XKR9: variants seen among roughly 807,000 people sequenced by gnomAD.
XKR9 encodes the protein XK related 9.
A neutral mutation model predicts 32.0 loss-of-function variants in XKR9; 32 were observed. The ratio of observed to expected loss-of-function variants is 1.00; its 90% CI spans 0.76 to 1.34. The LOEUF is 1.34. Ranked by LOEUF, XKR9 falls within the 40% of genes most tolerant of loss-of-function variation. The pLI is 0.00. For missense variants in XKR9, 546 were observed against 429.7 expected (o/e 1.27, Z -2.39); for synonymous variants, 168 against 143.4 (o/e 1.17, Z -1.22).
chr8:70,879,657 T>C, the XKR9 span, among the ~76,000 whole-genome samples: 1 of 151,730 alleles, frequency 6.6e-6, no homozygotes, highest in Non-Finnish European at 1.5e-5. Context: ...GAAATAGAGG[T>C]AATAATTAAT....
chr8:70,773,708 G>T (rs747930565), intron 2 of XKR9, among the ~76,000 whole-genome samples: 3 of 152,114 alleles, frequency 2.0e-5, no homozygotes, highest in Non-Finnish European at 2.9e-5. Flanking sequence ...TGATTTATTT[G>T]CTTCCTATGA....
chr8:70,703,246 C>CCT (rs1478776130), intron 3 of XKR9, among the ~76,000 whole-genome samples: 1 of 149,238 alleles, frequency 6.7e-6, no homozygotes, highest in Non-Finnish European at 1.5e-5. Flanking sequence ...TTTTTTTTCT[C>CCT]CTAAAATTTT....
At chr8:70,916,901 C>A in the XKR9 span, among the ~76,000 whole-genome samples, 4 of 149,414 alleles carry the variant, frequency 2.7e-5, no homozygotes, top group African/African-American at 4.9e-5. Flanking sequence ...TGAGATTTAT[C>A]TCTAGGTACT....
At chr8:70,680,425 C>T (rs896786491) in intron 2 of XKR9, among the ~76,000 whole-genome samples, 2 of 152,086 alleles carry the variant, frequency 1.3e-5, no homozygotes, top group African/African-American at 4.8e-5. Context: ...ACAACTATTG[C>T]ACCTTTGTTA....
the XKR9 span, among the ~76,000 whole-genome samples, chr8:70,943,491 A>T: frequency 2.0e-5 from 3 of 152,210 alleles, no homozygotes; most frequent in Non-Finnish European, 4.4e-5. Flanking sequence ...GGTTTTTTTT[A>T]AAAAAGGTAA....
At chr8:71,020,420 A>G in the XKR9 span, among the ~76,000 whole-genome samples, 3 of 152,230 alleles carry the variant, frequency 2.0e-5, no homozygotes, top group Admixed American at 6.5e-5. Flanking sequence ...TTGGGGCTCA[A>G]GGAAAATCAT....
intron 2 of XKR9, among the ~76,000 whole-genome samples, chr8:70,766,141 G>T (rs1807372446): frequency 6.6e-6 from 1 of 150,800 alleles, no homozygotes; most frequent in African/African-American, 2.4e-5. Context: ...ATTCTGTGAA[G>T]AAATTCAGTG....
chr8:70,872,818 G>A, the XKR9 span, among the ~76,000 whole-genome samples: 9 of 152,122 alleles, frequency 5.9e-5, no homozygotes, highest in East Asian at 7.7e-4. Context: ...GTGCCACCAC[G>A]CCCAGCTAAT....
the XKR9 span, among the ~76,000 whole-genome samples, chr8:70,952,374 A>G: frequency 6.6e-6 from 1 of 152,200 alleles, no homozygotes; most frequent in Non-Finnish European, 1.5e-5. Context: ...ACAGTATGAA[A>G]TGTTGTCACT....
At chr8:70,832,386 A>T in the XKR9 span, among the ~76,000 whole-genome samples, 3 of 152,314 alleles carry the variant, frequency 2.0e-5, no homozygotes, top group African/African-American at 7.2e-5. Flanking sequence ...AAATAGACAC[A>T]AATAACGTTT....
At chr8:71,033,598 A>T in the XKR9 span, among the ~76,000 whole-genome samples, 483 of 152,260 alleles carry the variant, frequency 3.2e-3, 3 homozygotes, top group African/African-American at 0.011. Context: ...CCTCATGAAT[A>T]GATTAATGTC....
At chr8:70,858,013 T>C in the XKR9 span, among the ~76,000 whole-genome samples, 3 of 152,156 alleles carry the variant, frequency 2.0e-5, no homozygotes, top group African/African-American at 7.2e-5. Flanking sequence ...AATAGCATAC[T>C]GAATGGGCAA....
chr8:70,746,404 A>T (rs1807059895), intron 2 of XKR9, among the ~76,000 whole-genome samples: 1 of 143,134 alleles, frequency 7.0e-6, no homozygotes, highest in African/African-American at 2.7e-5. Flanking sequence ...CAAAACAAAT[A>T]AAGTAAAATA....
At chr8:70,993,600 ATCTTCCTTCCTTCCTTC>A in the XKR9 span, among the ~76,000 whole-genome samples, 3 of 79,200 alleles carry the variant, frequency 3.8e-5, no homozygotes, top group Non-Finnish European at 1.2e-4. Context: ...TTCATAGGAC[ATCTTCCTTCCTTCCTTC>A]CTTCCTTCCT....
the XKR9 span, among the ~76,000 whole-genome samples, chr8:70,958,814 G>A: frequency 1.3e-5 from 2 of 152,124 alleles, no homozygotes; most frequent in South Asian, 4.1e-4. Flanking sequence ...AGGACTGTTA[G>A]TCAAGTTACT....
the XKR9 span, among the ~76,000 whole-genome samples, chr8:70,935,021 A>C: frequency 6.6e-6 from 1 of 150,994 alleles, no homozygotes; most frequent in Non-Finnish European, 1.5e-5. Flanking sequence ...TAAGAAGCTG[A>C]GTATCTCTTA....
chr8:70,880,951 C>T, the XKR9 span, among the ~76,000 whole-genome samples: 1 of 152,150 alleles, frequency 6.6e-6, no homozygotes, highest in Non-Finnish European at 1.5e-5. Flanking sequence ...GAACCGAGGC[C>T]TCAGAAATAA....
chr8:70,858,060 C>T, the XKR9 span, among the ~76,000 whole-genome samples: 16 of 152,268 alleles, frequency 1.1e-4, no homozygotes, highest in Non-Finnish European at 2.1e-4. Context: ...TGGCACAAGA[C>T]AGGGATGCCC....
the XKR9 span, among the ~76,000 whole-genome samples, chr8:70,802,373 C>A: frequency 6.6e-6 from 1 of 152,152 alleles, no homozygotes; most frequent in Non-Finnish European, 1.5e-5. Flanking sequence ...ATAAGTGTCA[C>A]TGCATGTGGA....
Sources: allele counts gnomAD v4.1 joint callset (sites outside exome capture counted in the v4.1 genomes callset), GRCh38; gene constraint gnomAD v4.1.1; transcripts MANE v1.5; gene names NCBI Gene and HGNC (gene_info 2026-07-23, HGNC 2026-07-21).